The following LRP1B variants were observed in gnomAD, a reference collection of about 807,000 sequenced individuals.
LRP1B encodes the protein low-density lipoprotein receptor-related protein 1B.
A neutral mutation model predicts 556.6 loss-of-function variants in LRP1B; 217 were observed. The observed-to-expected ratio is 0.39, with a 90% CI of 0.35 to 0.44. The LOEUF (loss-of-function observed/expected upper bound fraction) is 0.44, where lower values mean the gene tolerates loss of function less well. Ranked by LOEUF, LRP1B falls within the 20% of genes least tolerant of loss-of-function variation. The pLI is 1.00. For synonymous variants in LRP1B, 2,047 were observed against 1,865.8 expected, an observed-to-expected ratio of 1.10 and a Z score of -2.50; for missense variants, 5,053 against 5,620.8, an observed-to-expected ratio of 0.90 and a Z score of 3.23.
chr2:140,595,022 C>A (rs62171953), intron 43 of LRP1B, among the ~76,000 whole-genome samples: 1 of 144,712 alleles, frequency 6.9e-6, no homozygotes, highest in Non-Finnish European at 1.5e-5. Context: ...CAGTGTACTC[C>A]AAAATATAAA....
At chr2:141,608,223 T>C (rs1687985280) in intron 2 of LRP1B, among the ~76,000 whole-genome samples, 1 of 152,052 alleles carries the variant, frequency 6.6e-6, no homozygotes, top group Non-Finnish European at 1.5e-5. Context: ...AAACTCCGTC[T>C]CAAAAGAAAA....
At chr2:142,101,677 A>C (rs1301484957) in intron 1 of LRP1B, among the ~76,000 whole-genome samples, 1 of 151,992 alleles carries the variant, frequency 6.6e-6, no homozygotes, top group Non-Finnish European at 1.5e-5. Flanking sequence ...CCTATCACTT[A>C]AAAAATCAGG....
intron 11 of LRP1B, among the ~76,000 whole-genome samples, chr2:141,048,471 T>C (rs1698943415): frequency 6.6e-6 from 1 of 152,140 alleles, no homozygotes; most frequent in Admixed American, 6.6e-5. Context: ...ATAAATGTTT[T>C]AAGTTTCTCT....
chr2:141,583,436 G>T (rs563920579), intron 2 of LRP1B, among the ~76,000 whole-genome samples: 1 of 151,884 alleles, frequency 6.6e-6, no homozygotes, highest in Non-Finnish European at 1.5e-5. Flanking sequence ...ATGAAATACC[G>T]ATCATCAAGT....
intron 2 of LRP1B, among the ~76,000 whole-genome samples, chr2:141,776,034 G>T (rs1695059339): frequency 6.6e-6 from 1 of 151,872 alleles, no homozygotes; most frequent in Admixed American, 6.6e-5. Flanking sequence ...TTTTAGTAGA[G>T]ACGGGGTTTC....
chr2:140,242,562 CAG>C (rs1680992703), intron 87 of LRP1B, among the ~76,000 whole-genome samples: 1 of 151,028 alleles, frequency 6.6e-6, no homozygotes, highest in Non-Finnish European at 1.5e-5. Flanking sequence ...TGATGTATAA[CAG>C]AATAACAAAT....
chr2:141,095,162 T>C (rs944848542), intron 7 of LRP1B, among the ~76,000 whole-genome samples: 8 of 151,970 alleles, frequency 5.3e-5, no homozygotes, highest in African/African-American at 1.7e-4. Flanking sequence ...CTTGGATTTT[T>C]CAGCCTCCAG....
chr2:141,669,162 T>G (rs529771685), intron 2 of LRP1B, among the ~76,000 whole-genome samples: 1 of 152,184 alleles, frequency 6.6e-6, no homozygotes, highest in East Asian at 1.9e-4. Context: ...GATAGGGGCT[T>G]TGAAGAGGTC....
chr2:140,495,315 T>C (rs1235691423), intron 56 of LRP1B, among the ~76,000 whole-genome samples: 1 of 78,072 alleles, frequency 1.3e-5, no homozygotes, highest in Non-Finnish European at 2.9e-5. Flanking sequence ...AGATAGTTCT[T>C]TTTTTTTTTT....
chr2:141,471,905 A>G (rs975526171), intron 3 of LRP1B, among the ~76,000 whole-genome samples: 1 of 152,232 alleles, frequency 6.6e-6, no homozygotes, highest in Non-Finnish European at 1.5e-5. Flanking sequence ...AAGATGAGAA[A>G]GATGAAGGAA....
At chr2:141,813,862 C>T (rs1371153420) in intron 1 of LRP1B, among the ~76,000 whole-genome samples, 2 of 152,092 alleles carry the variant, frequency 1.3e-5, no homozygotes, top group Non-Finnish European at 2.9e-5. Context: ...GAAAAGGTGT[C>T]AGCAGCAAGA....
chr2:140,347,496 A>T (rs1681745328), intron 77 of LRP1B, among the ~76,000 whole-genome samples: 1 of 151,736 alleles, frequency 6.6e-6, no homozygotes, highest in Non-Finnish European at 1.5e-5. Flanking sequence ...CACATGGAAA[A>T]TAACCATTTT....
rs1463149657 is a variant in LRP1B, at chr2:141,488,980, T to TTTGC, written c.206-8448_206-8447insGCAA. 2.4e-4 allele frequency among the ~76,000 whole-genome samples: 33 copies of TTTGC among 136,772 alleles called. 1 individual carries two copies. The South Asian group carries it at 6.5e-3, about 27-fold the overall frequency. The allele number at this position is 136,772 out of a possible 152,430, so 89.7% of individuals were successfully genotyped here. A position where few individuals can be genotyped will look rare whatever the true frequency, so the allele number is the denominator to read the frequency against. ...ACATGGGTTTGTTTTTTTTTGTTTG[T>TTTGC]TTGTTTGTTTTTTTGAGACGGGGTC... On this transcript the variant is annotated intron_variant, in intron 2 of 90. Coordinates refer to ENST00000389484, the MANE Select transcript of LRP1B (RefSeq NM_018557.3).
intron 4 of LRP1B, among the ~76,000 whole-genome samples, chr2:141,254,235 T>C (rs1684376798): frequency 6.6e-6 from 1 of 152,070 alleles, no homozygotes; most frequent in Non-Finnish European, 1.5e-5. Context: ...CCATACAACA[T>C]ATAGGAAGTT....
chr2:142,119,565 A>G (rs1397062804), intron 1 of LRP1B, among the ~76,000 whole-genome samples: 1 of 152,208 alleles, frequency 6.6e-6, no homozygotes, highest in Non-Finnish European at 1.5e-5. Flanking sequence ...AATGAAAAAA[A>G]TCATAGGAAC....
At chr2:140,407,688 C>T (rs1008339431) in intron 66 of LRP1B, among the ~76,000 whole-genome samples, 1 of 151,836 alleles carries the variant, frequency 6.6e-6, no homozygotes, top group Non-Finnish European at 1.5e-5. Context: ...GTACATGTTG[C>T]TGTGGATGTG....
At chr2:140,422,743 T>C (rs1047033867) in intron 66 of LRP1B, among the ~76,000 whole-genome samples, 7 of 152,136 alleles carry the variant, frequency 4.6e-5, no homozygotes, top group Non-Finnish European at 7.4e-5. Flanking sequence ...GCAGTAATTG[T>C]TTATTTGTTT....
intron 3 of LRP1B, among the ~76,000 whole-genome samples, chr2:141,342,118 C>T (rs1205868341): frequency 6.6e-6 from 1 of 151,316 alleles, no homozygotes; most frequent in East Asian, 2.0e-4. Context: ...GTGGTGGGCG[C>T]CTGTAGTCCT....
At chr2:141,571,334 T>C (rs1410668501) in intron 2 of LRP1B, among the ~76,000 whole-genome samples, 1 of 149,924 alleles carries the variant, frequency 6.7e-6, no homozygotes, top group Non-Finnish European at 1.5e-5. Context: ...GGCCTAACTA[T>C]TGAAAGAAAA....
Sources: gnomAD v4.1 joint callset for allele counts (sites outside exome capture counted in the v4.1 genomes callset) on GRCh38, gnomAD v4.1.1 for gene constraint, MANE v1.5 for transcripts, NCBI Gene and HGNC (gene_info 2026-07-23, HGNC 2026-07-21) for gene names.